The following ZBTB20 variants were observed in gnomAD, a reference collection of about 807,000 sequenced individuals.
ZBTB20 encodes zinc finger and BTB domain-containing protein 20.
Under a neutral mutation model 56.9 loss-of-function variants are expected in ZBTB20, and 9 were observed. That is an observed-to-expected ratio of 0.16 (90% confidence interval 0.10 to 0.28). ZBTB20 has a LOEUF of 0.28. Ranked by LOEUF, ZBTB20 falls within the 10% of genes least tolerant of loss-of-function variation. ZBTB20 has a pLI of 1.00. For synonymous variants in ZBTB20, 417 were observed against 420.7 expected, an observed-to-expected ratio of 0.99 and a Z score of 0.11; for missense variants, 655 against 1,003.0, an observed-to-expected ratio of 0.65 and a Z score of 4.69.
intron 6 of ZBTB20, chr3:114,519,873 T>A (rs1375450871): frequency 6.6e-6 from 1 of 152,140 alleles, no homozygotes; most frequent in Non-Finnish European, 1.5e-5. Flanking sequence ...ACTCAATGGC[T>A]GCCTGTCAGG....
intron 7 of ZBTB20, among the ~76,000 whole-genome samples, chr3:114,443,833 A>G (rs2091088558): frequency 6.6e-6 from 1 of 152,218 alleles, no homozygotes; most frequent in South Asian, 2.1e-4. Flanking sequence ...AGGAAGGCAG[A>G]TATCGTTTTT....
chr3:114,749,328 C>T (rs888189739), intron 5 of ZBTB20, among the ~76,000 whole-genome samples: 1 of 151,958 alleles, frequency 6.6e-6, no homozygotes, highest in Non-Finnish European at 1.5e-5. Flanking sequence ...CCAAGGTGGG[C>T]GGATCACAAG....
At chr3:114,966,076 G>T (rs1314674580) in intron 3 of ZBTB20, among the ~76,000 whole-genome samples, 1 of 152,094 alleles carries the variant, frequency 6.6e-6, no homozygotes, top group African/African-American at 2.4e-5. Context: ...TACCTAATCA[G>T]AAAAAGACTT....
chr3:114,505,684 C>A (rs1577154669), intron 6 of ZBTB20, among the ~76,000 whole-genome samples: 1 of 151,940 alleles, frequency 6.6e-6, no homozygotes, highest in East Asian at 1.9e-4. Flanking sequence ...TTAATTAATT[C>A]TTATGTGGGA....
chr3:114,564,701 T>A (rs2052512089), intron 6 of ZBTB20, among the ~76,000 whole-genome samples: 1 of 152,214 alleles, frequency 6.6e-6, no homozygotes, highest in African/African-American at 2.4e-5. Context: ...CAGTAAGTGC[T>A]TTCTGCACTT....
chr3:114,937,778 GTTGT>G (rs2076590888), intron 3 of ZBTB20, among the ~76,000 whole-genome samples: 1 of 152,036 alleles, frequency 6.6e-6, no homozygotes, highest in South Asian at 2.1e-4. Context: ...TTTTGATAGG[GTTGT>G]TTGTTTTCTT....
In ZBTB20 at chr3:114,482,326, T is replaced by C. The variant is rs572802782; in HGVS notation, c.-255+18026A>G. 4.6e-5 allele frequency among the ~76,000 whole-genome samples: 7 copies of C among 152,234 alleles called. No homozygotes were observed. The South Asian group carries it at 1.4e-3, about 32-fold the overall frequency. On this transcript the variant is annotated intron_variant, in intron 7 of 11. Coordinates refer to ENST00000675478, the MANE Select transcript of ZBTB20 (RefSeq NM_001348800.3). ...ACAACACTGAGAAGACCAGACACCA[T>C]AGTGAGTAGACTGTATCTAACTGCT...
rs111978012 is a variant in ZBTB20 at position 114,874,881 on chromosome 3, T to C, written c.-417+25423A>G. On this transcript the variant is annotated intron_variant, in intron 4 of 11. Coordinates refer to ENST00000675478, the MANE Select transcript of ZBTB20 (RefSeq NM_001348800.3). ...TCTGTTTCCTTCCCTCTACAGTCTTTTTGGCTTCAAATGAGTGCCTTCAAA... is the reference window on the plus strand; with the variant it reads ...TCTGTTTCCTTCCCTCTACAGTCTTCTTGGCTTCAAATGAGTGCCTTCAAA... Among the ~76,000 whole-genome samples, 633 of 152,292 alleles carry C rather than the reference T, an allele frequency of 4.2e-3. 2 individuals carry two copies. The highest frequency in any genetic ancestry group is 0.015 in the African/African-American group (605 of 41,560).
chr3:115,021,232 T>A (rs1201279989), intron 2 of ZBTB20, among the ~76,000 whole-genome samples: 2 of 151,076 alleles, frequency 1.3e-5, no homozygotes, highest in East Asian at 3.9e-4. Context: ...TACAAAGAAC[T>A]TTATGTTTGA....
chr3:114,688,661 G>T (rs1319407409), intron 6 of ZBTB20, among the ~76,000 whole-genome samples: 1 of 152,094 alleles, frequency 6.6e-6, no homozygotes, highest in Non-Finnish European at 1.5e-5. Context: ...ACAAAGACAT[G>T]ATTAACCGAT....
At chr3:114,776,641 G>C (rs917239786) in intron 5 of ZBTB20, among the ~76,000 whole-genome samples, 8 of 152,310 alleles carry the variant, frequency 5.3e-5, no homozygotes, top group African/African-American at 1.9e-4. Flanking sequence ...GTGGTAGTTT[G>C]TTATAGCAGC....
chr3:114,645,274 CT>C (rs1400759053), intron 6 of ZBTB20, among the ~76,000 whole-genome samples: 33 of 152,070 alleles, frequency 2.2e-4, no homozygotes, highest in African/African-American at 7.7e-4. Context: ...ATTTTCTTTA[CT>C]ACCAACTGTT....
chr3:115,029,506 G>T (rs940454550), intron 2 of ZBTB20, among the ~76,000 whole-genome samples: 9 of 150,752 alleles, frequency 6.0e-5, no homozygotes, highest in African/African-American at 2.2e-4. Flanking sequence ...TGTAGTCCTA[G>T]TAAACCATAT....
chr3:114,902,842 A>G (rs1463154777), intron 3 of ZBTB20, among the ~76,000 whole-genome samples: 1 of 152,186 alleles, frequency 6.6e-6, no homozygotes, highest in African/African-American at 2.4e-5. Flanking sequence ...AGACACTGTT[A>G]TGACAACACC....
At chr3:114,364,472 C>T (rs2082192854) in intron 10 of ZBTB20, among the ~76,000 whole-genome samples, 1 of 152,100 alleles carries the variant, frequency 6.6e-6, no homozygotes, top group Admixed American at 6.6e-5. Flanking sequence ...CAAACATCCC[C>T]CAACAATTTA....
In ZBTB20 at chr3:114,677,723, A is replaced by AAT. The variant is rs147263438; in HGVS notation, c.-295+15803_-295+15804dup. On this transcript the variant is annotated intron_variant, in intron 6 of 11. Transcript: ENST00000675478. ...CATGCCAAATACTGGAAATTTGAAA[A>AAT]ATATATATATATACATTGTGGGTCT... 7.0e-4 allele frequency among the ~76,000 whole-genome samples: 106 copies of AAT among 151,914 alleles called. 1 individual carries two copies. Among genetic ancestry groups the AAT allele is most frequent in the African/African-American group, 1.6e-3 (65 of 41,416 alleles).
At chr3:114,684,264 G>C (rs891482099) in intron 6 of ZBTB20, among the ~76,000 whole-genome samples, 2 of 152,124 alleles carry the variant, frequency 1.3e-5, no homozygotes, top group African/African-American at 4.8e-5. Flanking sequence ...AGAAATAGTT[G>C]AACGACTTTA....
intron 7 of ZBTB20, among the ~76,000 whole-genome samples, chr3:114,452,187 G>A (rs968489705): frequency 6.6e-6 from 1 of 152,036 alleles, no homozygotes; most frequent in Admixed American, 6.6e-5. Flanking sequence ...AAGGAAAAAA[G>A]CAAAACCAAA....
Position 115,041,873 on chromosome 3 carries a change from T to C in ZBTB20, c.-507+29346A>G, listed in dbSNP as rs188591346. On this transcript the variant is annotated intron_variant, in intron 2 of 11. Coordinates refer to ENST00000675478, the MANE Select transcript of ZBTB20 (RefSeq NM_001348800.3). Reference sequence around the variant, plus strand: ...TGTTTATTTAGTAGTGTGGAAGGTCTACCTCTGTCTATTTCCTGAGGGAAA... The same window carrying C: ...TGTTTATTTAGTAGTGTGGAAGGTCCACCTCTGTCTATTTCCTGAGGGAAA... Among the ~76,000 whole-genome samples, 711 of 152,318 alleles carry C rather than the reference T, an allele frequency of 4.7e-3. 3 individuals carry two copies. The highest frequency in any genetic ancestry group is 0.016 in the African/African-American group (670 of 41,576).
Sources: gnomAD v4.1 joint callset for allele counts (sites outside exome capture counted in the v4.1 genomes callset) on GRCh38, gnomAD v4.1.1 for gene constraint, MANE v1.5 for transcripts, NCBI Gene and HGNC (gene_info 2026-07-23, HGNC 2026-07-21) for gene names.